Variants in BRAF observed in about 807,000 individuals in gnomAD.
BRAF encodes the protein B-Raf proto-oncogene, serine/threonine kinase.
BRAF carries 16 observed loss-of-function variants against 104.6 expected under a neutral mutation model. That is an observed-to-expected ratio of 0.15 (90% confidence interval 0.10 to 0.23). BRAF has a LOEUF of 0.23. BRAF is among the 10% of genes least tolerant of loss of function. The pLI is 1.00. For missense variants in BRAF, 541 were observed against 937.3 expected (o/e 0.58, Z 5.52); for synonymous variants, 310 against 341.6 (o/e 0.91, Z 1.02).
chr7:140,786,324 G>T (rs1009169217), intron 9 of BRAF, among the ~76,000 whole-genome samples: 5 of 152,162 alleles, frequency 3.3e-5, no homozygotes, highest in Non-Finnish European at 7.4e-5. Context: ...TTTACTCAAT[G>T]TAAAATATTG....
At chr7:140,802,410 C>T (rs1803227708) in intron 5 of BRAF, among the ~76,000 whole-genome samples, 1 of 149,576 alleles carries the variant, frequency 6.7e-6, no homozygotes, top group South Asian at 2.1e-4. Flanking sequence ...GATTCTCCTG[C>T]TTCAGCCTCC....
chr7:140,779,947 A>G (rs1346093661), intron 12 of BRAF: 1 of 152,218 alleles, frequency 6.6e-6, no homozygotes, highest in African/African-American at 2.4e-5. Flanking sequence ...AAAACAAAAC[A>G]AACAAAAATA....
chr7:140,804,718 T>A (rs1283786029), intron 5 of BRAF, among the ~76,000 whole-genome samples: 1 of 152,234 alleles, frequency 6.6e-6, no homozygotes, highest in Non-Finnish European at 1.5e-5. Flanking sequence ...ATATACAACA[T>A]GAATTAGAAC....
chr7:140,762,302 C>T (rs1397820424), intron 14 of BRAF, among the ~76,000 whole-genome samples: 5 of 151,996 alleles, frequency 3.3e-5, no homozygotes, highest in South Asian at 2.1e-4. Flanking sequence ...GGGTACATAA[C>T]GAAATGAAGG....
intron 8 of BRAF, among the ~76,000 whole-genome samples, chr7:140,789,539 T>C (rs371335188): frequency 1.3e-5 from 2 of 152,258 alleles, no homozygotes; most frequent in Non-Finnish European, 2.9e-5. Flanking sequence ...ACAGGAGTTA[T>C]ATGGCTACTA....
At chr7:140,824,192 T>C (rs1454180869) in intron 3 of BRAF, 1 of 152,250 alleles carries the variant, frequency 6.6e-6, no homozygotes, top group East Asian at 1.9e-4. Flanking sequence ...CCTGGGCTTT[T>C]GGCATCACGG....
chr7:140,839,897 C>T (rs192521703), intron 2 of BRAF, among the ~76,000 whole-genome samples: 1 of 152,218 alleles, frequency 6.6e-6, no homozygotes, highest in East Asian at 1.9e-4. Context: ...TGATCTACAA[C>T]CAAAAGTAAG....
At chr7:140,815,824 A>T (rs181271128) in intron 3 of BRAF, among the ~76,000 whole-genome samples, 54 of 152,304 alleles carry the variant, frequency 3.5e-4, no homozygotes, top group African/African-American at 1.3e-3. Context: ...GGATGTCTAT[A>T]CCACAAAAAC....
chr7:140,884,424 AAGATATG>A (rs1311568078), intron 1 of BRAF, among the ~76,000 whole-genome samples: 1 of 128,438 alleles, frequency 7.8e-6, no homozygotes, highest in Non-Finnish European at 1.6e-5. Flanking sequence ...ATATATATAT[AAGATATG>A]TGTGTGTGTG....
At chr7:140,909,205 C>T (rs1816685170) in intron 1 of BRAF, among the ~76,000 whole-genome samples, 1 of 152,090 alleles carries the variant, frequency 6.6e-6, no homozygotes, top group Admixed American at 6.5e-5. Flanking sequence ...GCGGGCAGAT[C>T]ACCTGAGGTC....
intron 17 of BRAF, among the ~76,000 whole-genome samples, chr7:140,746,980 T>C (rs1797405909): frequency 1.3e-5 from 2 of 152,120 alleles, no homozygotes; most frequent in Non-Finnish European, 2.9e-5. Context: ...CACCTCAGAC[T>C]ATGGGTATGA....
At chr7:140,791,119 AAAAC>A (rs1801916180) in intron 8 of BRAF, among the ~76,000 whole-genome samples, 1 of 151,964 alleles carries the variant, frequency 6.6e-6, no homozygotes, top group African/African-American at 2.4e-5. Context: ...AAACAAAACA[AAAAC>A]AAAACCCGAA....
intron 1 of BRAF, among the ~76,000 whole-genome samples, chr7:140,907,274 T>C (rs1392115158): frequency 6.6e-6 from 1 of 152,192 alleles, no homozygotes; most frequent in Non-Finnish European, 1.5e-5. Context: ...CCCCCTTTTC[T>C]TTTTTGAGAC....
At chr7:140,824,517 T>G (rs1162477890) in intron 3 of BRAF, 1 of 152,184 alleles carries the variant, frequency 6.6e-6, no homozygotes. Flanking sequence ...TTAGTTTTGA[T>G]TACTCTAACT....
At chr7:140,906,615 G>A (rs1816356017) in intron 1 of BRAF, among the ~76,000 whole-genome samples, 1 of 152,054 alleles carries the variant, frequency 6.6e-6, no homozygotes, top group Non-Finnish European at 1.5e-5. Flanking sequence ...GAATCTTTCT[G>A]CCTTAAGTAT....
At chr7:140,916,911 A>T (rs1400297829) in intron 1 of BRAF, among the ~76,000 whole-genome samples, 1 of 152,246 alleles carries the variant, frequency 6.6e-6, no homozygotes, top group Non-Finnish European at 1.5e-5. Context: ...TAAAGCTATC[A>T]TAACTAAGGT....
intron 3 of BRAF, among the ~76,000 whole-genome samples, chr7:140,830,047 G>GT (rs1306045839): frequency 6.6e-6 from 1 of 152,094 alleles, no homozygotes; most frequent in Non-Finnish European, 1.5e-5. Context: ...CTATCCTAAT[G>GT]TTTGGCCTTT....
At chr7:140,752,226 G>A (rs1260229415) in intron 16 of BRAF, among the ~76,000 whole-genome samples, 1 of 152,056 alleles carries the variant, frequency 6.6e-6, no homozygotes, top group African/African-American at 2.4e-5. Flanking sequence ...TTAGAGATGG[G>A]GTCTCACTAT....
At chr7:140,785,084 T>C (rs1273340342) in intron 10 of BRAF, among the ~76,000 whole-genome samples, 1 of 152,238 alleles carries the variant, frequency 6.6e-6, no homozygotes, top group Admixed American at 6.5e-5. Flanking sequence ...TGAAGTACAC[T>C]GAAATATCTA....
Sources: allele counts gnomAD v4.1 joint callset (sites outside exome capture counted in the v4.1 genomes callset), GRCh38; gene constraint gnomAD v4.1.1; transcripts MANE v1.5; gene names NCBI Gene and HGNC (gene_info 2026-07-23, HGNC 2026-07-21).